The following KCNH1 variants were observed in gnomAD, a reference collection of about 807,000 sequenced individuals.
KCNH1 encodes potassium voltage-gated channel subfamily H member 1.
Under a neutral mutation model 69.2 loss-of-function variants are expected in KCNH1, and 27 were observed. The observed-to-expected ratio is 0.39, with a 90% CI of 0.29 to 0.54. KCNH1 has a LOEUF of 0.54. Among genes scored for constraint, KCNH1 ranks in the 20% least tolerant of loss-of-function variants. KCNH1 has a pLI of 0.68. For synonymous variants in KCNH1, 456 were observed against 487.7 expected (o/e 0.93, Z 0.86); for missense variants, 798 against 1,261.6 (o/e 0.63, Z 5.57).
intron 1 of KCNH1, among the ~76,000 whole-genome samples, chr1:211,115,366 C>CA (rs1475016960): frequency 1.3e-5 from 2 of 152,084 alleles, no homozygotes; most frequent in Non-Finnish European, 2.9e-5. Context: ...TTTAAGGATG[C>CA]AAAGTATTAA....
At chr1:210,869,550 T>C (rs1282759805) in intron 7 of KCNH1, among the ~76,000 whole-genome samples, 2 of 150,258 alleles carry the variant, frequency 1.3e-5, no homozygotes, top group East Asian at 4.0e-4. Flanking sequence ...CCTGGTAATT[T>C]TGGATTGGAT....
chr1:210,724,514 T>C (rs190927288), intron 10 of KCNH1, among the ~76,000 whole-genome samples: 5 of 152,308 alleles, frequency 3.3e-5, no homozygotes, highest in Non-Finnish European at 5.9e-5. Context: ...CTACTGAAGA[T>C]AGGAGACAGA....
At chr1:210,964,650 C>T (rs575430090) in intron 6 of KCNH1, among the ~76,000 whole-genome samples, 28 of 152,256 alleles carry the variant, frequency 1.8e-4, no homozygotes, top group African/African-American at 6.5e-4. Flanking sequence ...CTGACAGATT[C>T]ACAGCCAAAT....
chr1:210,690,153 A>G (rs537773645), intron 10 of KCNH1, among the ~76,000 whole-genome samples: 1 of 152,320 alleles, frequency 6.6e-6, no homozygotes, highest in South Asian at 2.1e-4. Context: ...GACTAAGAGG[A>G]AACGCGCAGG....
At chr1:210,931,734 C>A (rs1190837932) in intron 6 of KCNH1, among the ~76,000 whole-genome samples, 1 of 150,318 alleles carries the variant, frequency 6.7e-6, no homozygotes, top group African/African-American at 2.4e-5. Flanking sequence ...TACAATTCAG[C>A]AAAAATCAGA....
intron 6 of KCNH1, among the ~76,000 whole-genome samples, chr1:210,994,245 C>A (rs77816290): frequency 0.013 from 1,983 of 152,138 alleles, 47 homozygotes; most frequent in African/African-American, 0.045. Flanking sequence ...CTTGTTTTTT[C>A]TTACTATCTC....
chr1:211,042,263 T>G (rs1016528601), intron 5 of KCNH1, among the ~76,000 whole-genome samples: 3 of 152,214 alleles, frequency 2.0e-5, no homozygotes, highest in Non-Finnish European at 4.4e-5. Context: ...TCAACAGGAT[T>G]TTTATTATAC....
At chr1:210,790,823 C>G (rs1268178279) in intron 9 of KCNH1, among the ~76,000 whole-genome samples, 1 of 152,184 alleles carries the variant, frequency 6.6e-6, no homozygotes, top group Non-Finnish European at 1.5e-5. Context: ...TAGTGCCATG[C>G]TTTACTCACC....
intron 5 of KCNH1, among the ~76,000 whole-genome samples, chr1:211,038,395 A>G (rs1558578264): frequency 6.6e-6 from 1 of 152,174 alleles, no homozygotes; most frequent in East Asian, 1.9e-4. Context: ...AGCAGCATGA[A>G]AACGGACTAA....
intron 3 of KCNH1, among the ~76,000 whole-genome samples, chr1:211,098,607 C>A (rs1219647395): frequency 6.6e-6 from 1 of 151,948 alleles, no homozygotes; most frequent in African/African-American, 2.4e-5. Context: ...CCTTACAAAC[C>A]CTACAGAATG....
intron 6 of KCNH1, among the ~76,000 whole-genome samples, chr1:211,011,274 A>G (rs983926675): frequency 2.0e-5 from 3 of 152,182 alleles, no homozygotes; most frequent in African/African-American, 7.2e-5. Context: ...GATGGTTTCC[A>G]GCTTCATCCA....
chr1:210,943,509 C>A (rs1490618896), intron 6 of KCNH1, among the ~76,000 whole-genome samples: 1 of 151,952 alleles, frequency 6.6e-6, no homozygotes, highest in Non-Finnish European at 1.5e-5. Flanking sequence ...CCGCCACGCC[C>A]GGCTAATTTT....
At chr1:210,914,988 T>G (rs1417821983) in intron 7 of KCNH1, among the ~76,000 whole-genome samples, 1 of 152,090 alleles carries the variant, frequency 6.6e-6, no homozygotes, top group Non-Finnish European at 1.5e-5. Flanking sequence ...AATGACATTA[T>G]GAGAAGAGAA....
chr1:210,707,477 A>T (rs1036572320), intron 10 of KCNH1, among the ~76,000 whole-genome samples: 3 of 151,998 alleles, frequency 2.0e-5, no homozygotes, highest in Non-Finnish European at 2.9e-5. Flanking sequence ...GGTAGTAAAA[A>T]CCCAAGCCAT....
At chr1:211,025,997 A>G (rs1177358674) in intron 5 of KCNH1, among the ~76,000 whole-genome samples, 1 of 152,146 alleles carries the variant, frequency 6.6e-6, no homozygotes, top group East Asian at 1.9e-4. Flanking sequence ...CATAACTAGC[A>G]TTGGCCCCCT....
intron 6 of KCNH1, among the ~76,000 whole-genome samples, chr1:210,930,754 C>A (rs1259754978): frequency 1.3e-5 from 2 of 152,210 alleles, no homozygotes; most frequent in African/African-American, 2.4e-5. Context: ...AGACAACCCA[C>A]AGAGTGGGAG....
At chr1:211,105,987 TCAAA>T (rs764339892) in intron 2 of KCNH1, among the ~76,000 whole-genome samples, 115 of 152,368 alleles carry the variant, frequency 7.5e-4, no homozygotes, top group African/African-American at 2.8e-3. Flanking sequence ...TCTTATGAGC[TCAAA>T]CATTTATTTT....
chr1:210,917,229 G>GAGAGAGAA (rs1430374011), intron 7 of KCNH1, among the ~76,000 whole-genome samples: 61 of 78,856 alleles, frequency 7.7e-4, no homozygotes, highest in South Asian at 4.0e-3. Context: ...GAGAGAGAGA[G>GAGAGAGAA]AGAAAGAAAG....
rs371647073 is a variant in KCNH1 at position 210,683,832 on chromosome 1, C to T, written c.2419G>A (p.Gly807Arg). ...PVSFQAASTS[G>R]VPDHAKLQAP... ...TGTAGCTTTGCGTGGTCTGGCACCCCGGAGGTGGAGGCTGCCTGGAAGGAT... is the reference window on the plus strand; with the variant it reads ...TGTAGCTTTGCGTGGTCTGGCACCCTGGAGGTGGAGGCTGCCTGGAAGGAT... Residue 807 changes from glycine (G) to arginine (R), a missense_variant, in exon 11 of 11, where the codon GGG becomes AGG. Transcript: ENST00000271751. This position sits in a 1 kb window ranked among gnomAD's most constrained non-coding sequence, Gnocchi z 5.7. 131 of 1,613,856 alleles carry T rather than the reference C, an allele frequency of 8.1e-5. No individual in the cohort carries two copies. Among genetic ancestry groups the T allele is most frequent in the Non-Finnish European group, 1.0e-4 (123 of 1,180,038 alleles).
Sources: allele counts gnomAD v4.1 joint callset (sites outside exome capture counted in the v4.1 genomes callset), GRCh38; gene constraint gnomAD v4.1.1; non-coding constraint Gnocchi (gnomAD v3.1); transcripts MANE v1.5; gene names NCBI Gene and HGNC (gene_info 2026-07-23, HGNC 2026-07-21).